The following MARCHF1 variants were observed in gnomAD, a reference collection of about 807,000 sequenced individuals.
MARCHF1 encodes the protein E3 ubiquitin-protein ligase MARCHF1.
In MARCHF1, 40 loss-of-function variants were observed where a neutral mutation model predicts 54.2. The observed-to-expected ratio is 0.74, with a 90% CI of 0.57 to 0.96. The LOEUF is 0.96. MARCHF1 is among the 40% of genes least tolerant of loss of function. The probability of loss-of-function intolerance (pLI) is 0.00; values close to 1 mark genes in which losing one functional copy is unlikely to be tolerated. For synonymous variants in MARCHF1, 236 were observed against 236.3 expected (o/e 1.00, Z 0.01); for missense variants, 586 against 656.5 (o/e 0.89, Z 1.17).
chr4:163,587,636 T>A (rs927171917), intron 7 of MARCHF1, among the ~76,000 whole-genome samples: 3 of 152,066 alleles, frequency 2.0e-5, no homozygotes, highest in African/African-American at 7.2e-5. Flanking sequence ...TGGTGGGAAG[T>A]AAAGTTTGAA....
At chr4:164,208,105 G>C (rs1200531278) in intron 1 of MARCHF1, among the ~76,000 whole-genome samples, 1 of 152,184 alleles carries the variant, frequency 6.6e-6, no homozygotes, top group Non-Finnish European at 1.5e-5. Flanking sequence ...AATCCCTGAT[G>C]TCAAGGAGCT....
chr4:163,774,502 CT>C (rs369862555), intron 4 of MARCHF1, among the ~76,000 whole-genome samples: 16 of 137,844 alleles, frequency 1.2e-4, no homozygotes, highest in Non-Finnish European at 1.4e-4. Flanking sequence ...AAGTGTTAGG[CT>C]TTTTTTTTTT....
At chr4:163,916,517 C>T (rs1751311384) in intron 3 of MARCHF1, among the ~76,000 whole-genome samples, 1 of 124,056 alleles carries the variant, frequency 8.1e-6, no homozygotes, top group Admixed American at 7.6e-5. Context: ...GAAGATGTGC[C>T]TGTGAATAGC....
intron 2 of MARCHF1, among the ~76,000 whole-genome samples, chr4:164,078,077 C>A (rs527913665): frequency 6.6e-6 from 1 of 152,288 alleles, no homozygotes; most frequent in South Asian, 2.1e-4. Context: ...AAGACACATG[C>A]ACACGTATGT....
At chr4:163,988,327 G>A (rs1319394332) in intron 3 of MARCHF1, among the ~76,000 whole-genome samples, 174 bp downstream of exon 3, 1 of 152,202 alleles carries the variant, frequency 6.6e-6, no homozygotes, top group African/African-American at 2.4e-5. Flanking sequence ...CAAAATAGAG[G>A]TGAAGTTTAA....
chr4:164,009,868 T>C (rs1302203831), intron 2 of MARCHF1, among the ~76,000 whole-genome samples: 1 of 152,092 alleles, frequency 6.6e-6, no homozygotes, highest in Admixed American at 6.6e-5. Flanking sequence ...AAGACTTCCT[T>C]TTAAGGTTTG....
chr4:164,174,310 G>A (rs969676390), intron 1 of MARCHF1, among the ~76,000 whole-genome samples: 4 of 152,140 alleles, frequency 2.6e-5, no homozygotes, highest in Non-Finnish European at 5.9e-5. Flanking sequence ...GTAAGTAATG[G>A]GGTTGATTGA....
At chr4:164,174,349 A>AG (rs1730607424) in intron 1 of MARCHF1, among the ~76,000 whole-genome samples, 1 of 152,226 alleles carries the variant, frequency 6.6e-6, no homozygotes, top group Non-Finnish European at 1.5e-5. Flanking sequence ...CTTAAAAGTG[A>AG]GCATTTCTAG....
chr4:163,534,133 C>A (rs1298481557), intron 9 of MARCHF1, among the ~76,000 whole-genome samples: 1 of 152,018 alleles, frequency 6.6e-6, no homozygotes, highest in African/African-American at 2.4e-5. Context: ...TTACAATAAA[C>A]TTCTACTAAT....
At chr4:163,783,732 C>G (rs1747534890) in intron 4 of MARCHF1, among the ~76,000 whole-genome samples, 1 of 152,158 alleles carries the variant, frequency 6.6e-6, no homozygotes, top group African/African-American at 2.4e-5. Flanking sequence ...TTTTCTGAAA[C>G]CTCACAGCTC....
intron 1 of MARCHF1, among the ~76,000 whole-genome samples, chr4:164,321,573 T>C (rs1735144387): frequency 6.6e-6 from 1 of 151,442 alleles, no homozygotes; most frequent in Non-Finnish European, 1.5e-5. Context: ...CAACATCAGA[T>C]GAAAGAATTT....
intron 4 of MARCHF1, among the ~76,000 whole-genome samples, chr4:163,720,855 T>C (rs1745429406): frequency 6.6e-6 from 1 of 152,248 alleles, no homozygotes; most frequent in African/African-American, 2.4e-5. Flanking sequence ...ATAAGAATGC[T>C]TGTGATTTTT....
At chr4:163,635,039 T>C (rs1163281500) in intron 5 of MARCHF1, among the ~76,000 whole-genome samples, 2 of 74,234 alleles carry the variant, frequency 2.7e-5, no homozygotes, top group African/African-American at 1.5e-4. Context: ...AAGATGTTCT[T>C]TGAAACCAAC....
chr4:163,760,433 T>G (rs1366199208), intron 4 of MARCHF1, among the ~76,000 whole-genome samples: 1 of 152,212 alleles, frequency 6.6e-6, no homozygotes, highest in South Asian at 2.1e-4. Context: ...TGAGGGCCAT[T>G]ATTCTGTCTT....
chr4:164,257,056 T>G (rs1392213751), intron 1 of MARCHF1, among the ~76,000 whole-genome samples: 1 of 152,192 alleles, frequency 6.6e-6, no homozygotes, highest in Non-Finnish European at 1.5e-5. Flanking sequence ...GCATGGAATT[T>G]ATCCTTATGA....
At chr4:163,616,629 G>A (rs1035533866) in intron 5 of MARCHF1, among the ~76,000 whole-genome samples, 11 of 151,904 alleles carry the variant, frequency 7.2e-5, no homozygotes, top group East Asian at 1.9e-4. Flanking sequence ...CCTGTAGTCC[G>A]AGCTACTTGG....
chr4:164,051,104 G>C (rs6536780), intron 2 of MARCHF1, among the ~76,000 whole-genome samples: 1 of 152,012 alleles, frequency 6.6e-6, no homozygotes, highest in African/African-American at 2.4e-5. Flanking sequence ...TGTGCACCAC[G>C]AATTGGAGGA....
intron 1 of MARCHF1, among the ~76,000 whole-genome samples, chr4:164,155,222 G>C (rs573131621): frequency 2.0e-5 from 3 of 152,212 alleles, no homozygotes; most frequent in Admixed American, 2.0e-4. Flanking sequence ...CAGGCTTAAG[G>C]GTGGGGCCTT....
At chr4:164,296,533 C>G (rs1276414874) in intron 1 of MARCHF1, among the ~76,000 whole-genome samples, 1 of 152,060 alleles carries the variant, frequency 6.6e-6, no homozygotes, top group Admixed American at 6.6e-5. Flanking sequence ...CCATGCCCAG[C>G]TAATTTTTAT....
Sources: gnomAD v4.1 joint callset for allele counts (sites outside exome capture counted in the v4.1 genomes callset) on GRCh38, gnomAD v4.1.1 for gene constraint, MANE v1.5 for transcripts, NCBI Gene and HGNC (gene_info 2026-07-23, HGNC 2026-07-21) for gene names.